Variants in TENM4 observed in about 807,000 individuals in gnomAD.
TENM4 encodes the protein teneurin-4.
A neutral mutation model predicts 243.3 loss-of-function variants in TENM4; 82 were observed. The observed-to-expected ratio is 0.34, with a 90% CI of 0.28 to 0.40. The LOEUF is 0.40. TENM4 is among the 10% of genes least tolerant of loss of function. The pLI, the probability that TENM4 is intolerant of heterozygous loss-of-function variation, is 1.00. For synonymous variants in TENM4, 1,412 were observed against 1,456.3 expected (o/e 0.97, Z 0.69); for missense variants, 3,138 against 3,673.3 (o/e 0.85, Z 3.77).
chr11:79,256,107 C>T (rs1855697034), intron 2 of TENM4, among the ~76,000 whole-genome samples: 1 of 152,226 alleles, frequency 6.6e-6, no homozygotes, highest in South Asian at 2.1e-4. Context: ...CAACTCTTCC[C>T]TGCTAGGCTA....
chr11:79,344,191 T>C (rs1447926318), intron 1 of TENM4, among the ~76,000 whole-genome samples: 2 of 152,202 alleles, frequency 1.3e-5, no homozygotes, highest in Non-Finnish European at 2.9e-5. Flanking sequence ...GGAAACTCAC[T>C]CATACTGCCC....
intron 6 of TENM4, among the ~76,000 whole-genome samples, chr11:79,012,177 T>A (rs1258069512): frequency 6.6e-6 from 1 of 152,184 alleles, no homozygotes; most frequent in African/African-American, 2.4e-5. Context: ...AATTTCCAGA[T>A]ATTTGAGTTA....
chr11:79,150,892 A>G (rs1862495543), intron 3 of TENM4, among the ~76,000 whole-genome samples: 1 of 152,196 alleles, frequency 6.6e-6, no homozygotes, highest in Non-Finnish European at 1.5e-5. Flanking sequence ...ATTTTATTCT[A>G]CTTAATCTTC....
intron 6 of TENM4, among the ~76,000 whole-genome samples, chr11:78,910,533 T>C (rs900994797): frequency 6.6e-6 from 1 of 152,374 alleles, no homozygotes; most frequent in Admixed American, 6.5e-5. Flanking sequence ...TGACTTCCAG[T>C]CTCAGTTCTG....
intron 1 of TENM4, among the ~76,000 whole-genome samples, chr11:79,406,325 G>GA (rs1282605403): frequency 4.6e-5 from 7 of 151,942 alleles, no homozygotes; most frequent in East Asian, 3.9e-4. Flanking sequence ...TATCTTAAGT[G>GA]AAAAAAACAC....
intron 2 of TENM4, among the ~76,000 whole-genome samples, chr11:79,222,110 T>A (rs1864169351): frequency 1.3e-5 from 2 of 152,276 alleles, no homozygotes; most frequent in South Asian, 4.1e-4. Context: ...GAACCTTATG[T>A]TCAGTCTTAT....
chr11:79,085,389 G>GC (rs1591270665), intron 4 of TENM4, among the ~76,000 whole-genome samples: 5 of 10,088 alleles, frequency 5.0e-4, no homozygotes, highest in Non-Finnish European at 4.3e-3. Flanking sequence ...AAAAAAAAAA[G>GC]GGGGGTTTTT....
intron 1 of TENM4, among the ~76,000 whole-genome samples, chr11:79,436,743 A>T (rs1859279378): frequency 6.6e-6 from 1 of 152,058 alleles, no homozygotes; most frequent in Non-Finnish European, 1.5e-5. Context: ...TTACCGCACC[A>T]CTCTACCTCC....
At chr11:79,354,394 T>C (rs999272692) in intron 1 of TENM4, among the ~76,000 whole-genome samples, 3 of 152,210 alleles carry the variant, frequency 2.0e-5, no homozygotes, top group Admixed American at 6.5e-5. Context: ...GCATTTTATT[T>C]CATTTCTTTG....
chr11:78,862,816 C>T (rs1425143376), intron 10 of TENM4, 146 bp downstream of exon 10: 1 of 842,014 alleles, frequency 1.2e-6, no homozygotes, highest in Non-Finnish European at 1.6e-6. Flanking sequence ...GGCAGCTTGA[C>T]AGCTGGCGTG....
intron 15 of TENM4, among the ~76,000 whole-genome samples, chr11:78,797,414 A>G (rs899735414): frequency 3.9e-5 from 6 of 152,222 alleles, no homozygotes; most frequent in African/African-American, 1.4e-4. Context: ...TTTGTACAAG[A>G]TATCAGCTTG....
At chr11:78,800,948 T>C (rs1457602035) in intron 15 of TENM4, among the ~76,000 whole-genome samples, 1 of 152,144 alleles carries the variant, frequency 6.6e-6, no homozygotes, top group Non-Finnish European at 1.5e-5. Flanking sequence ...GTAATACTAG[T>C]AATACTTCCT....
At chr11:78,713,597 A>G (rs1430672834) in intron 25 of TENM4, among the ~76,000 whole-genome samples, 1 of 152,074 alleles carries the variant, frequency 6.6e-6, no homozygotes, top group East Asian at 1.9e-4. Context: ...AAGTTACCCG[A>G]CCTCCTGAGC....
At chr11:79,310,423 G>T (rs886885560) in intron 1 of TENM4, among the ~76,000 whole-genome samples, 1 of 152,242 alleles carries the variant, frequency 6.6e-6, no homozygotes, top group Admixed American at 6.5e-5. Flanking sequence ...AGCAAAATAA[G>T]TTGTTTTGGG....
At chr11:79,066,086 C>T (rs1318585444) in intron 5 of TENM4, among the ~76,000 whole-genome samples, 1 of 152,226 alleles carries the variant, frequency 6.6e-6, no homozygotes, top group Non-Finnish European at 1.5e-5. Context: ...TGAGATACAG[C>T]AGTGAATAGG....
chr11:79,103,858 C>A (rs892642825), intron 4 of TENM4, among the ~76,000 whole-genome samples: 2 of 152,120 alleles, frequency 1.3e-5, no homozygotes, highest in Non-Finnish European at 2.9e-5. Context: ...CTGATTGGGC[C>A]TCCGGAATGG....
At chr11:79,218,900 C>A in intron 2 of TENM4, among the ~76,000 whole-genome samples, 1 of 152,192 alleles carries the variant, frequency 6.6e-6, no homozygotes, top group South Asian at 2.1e-4. Context: ...TTCACATATT[C>A]ACTCATTCAT....
intron 4 of TENM4, among the ~76,000 whole-genome samples, chr11:79,113,106 C>T (rs1174927888): frequency 6.6e-6 from 1 of 152,276 alleles, no homozygotes; most frequent in East Asian, 1.9e-4. Context: ...ACACACTTGA[C>T]AGCTGCACAA....
intron 4 of TENM4, among the ~76,000 whole-genome samples, chr11:79,092,457 T>C (rs185284930): frequency 5.0e-4 from 76 of 152,320 alleles, no homozygotes; most frequent in African/African-American, 1.8e-3. Context: ...GTCATTCGCA[T>C]GGACCCAGCT....
Sources: gnomAD v4.1 joint callset for allele counts (sites outside exome capture counted in the v4.1 genomes callset) on GRCh38, gnomAD v4.1.1 for gene constraint, MANE v1.5 for transcripts, NCBI Gene and HGNC (gene_info 2026-07-23, HGNC 2026-07-21) for gene names.